SCCPDH: variants seen among roughly 807,000 people sequenced by gnomAD.
The protein encoded by SCCPDH is saccharopine dehydrogenase-like oxidoreductase.
In SCCPDH, 34 loss-of-function variants were observed where a neutral mutation model predicts 51.5. That is an observed-to-expected ratio of 0.66 (90% CI 0.50 to 0.88). SCCPDH has a LOEUF of 0.88. SCCPDH is among the 40% of genes least tolerant of loss of function. The pLI is 0.00. For missense variants in SCCPDH, 464 were observed against 527.1 expected (o/e 0.88, Z 1.17); for synonymous variants, 187 against 191.3 (o/e 0.98, Z 0.19).
chr1:246,751,630 T>C (rs1248799830), intron 5 of SCCPDH, among the ~76,000 whole-genome samples: 2 of 152,218 alleles, frequency 1.3e-5, no homozygotes, highest in Non-Finnish European at 2.9e-5. Flanking sequence ...AAATTCCCTT[T>C]TATAACATTT....
intron 1 of SCCPDH, among the ~76,000 whole-genome samples, 169 bp downstream of exon 1, chr1:246,724,781 C>G (rs1218959807): frequency 2.6e-5 from 4 of 152,164 alleles, no homozygotes; most frequent in African/African-American, 4.8e-5. Flanking sequence ...TAGCTTTGTC[C>G]CACCTCCTTA....
intron 5 of SCCPDH, among the ~76,000 whole-genome samples, chr1:246,756,496 A>G (rs1489455260): frequency 6.6e-6 from 1 of 152,226 alleles, no homozygotes; most frequent in African/African-American, 2.4e-5. Context: ...TGAAACGCAA[A>G]TAGTTTTTTA....
chr1:246,727,277 C>CTATACCGAAGGGG lies in SCCPDH; in HGVS notation c.303+277_303+278insCCGAAGGGGTATA, dbSNP rs1668414970. Among the ~76,000 whole-genome samples, 6 of 152,296 alleles carry CTATACCGAAGGGG rather than the reference C, an allele frequency of 3.9e-5. No individual in the cohort carries two copies. The South Asian group carries it at 1.2e-3, about 32-fold the overall frequency. On this transcript the variant is annotated intron_variant, in intron 2 of 11. Transcript: ENST00000366510. ...TTGTCAGAATTTTCTTTCCTTTTTA[C>CTATACCGAAGGGG]TATATACCCCTTCGGTAAAAAATGT...
rs191171623 is a variant in SCCPDH at position 246,753,009 on chromosome 1, C to T, written c.565-5217C>T. ...TCTCCGCCTCTCTGTCTCTTTCTCT[C>T]TCTTTGCCTCTCTGTCTCTTTCTCT... On this transcript the variant is annotated intron_variant, in intron 5 of 11. Coordinates refer to ENST00000366510, the MANE Select transcript of SCCPDH (RefSeq NM_016002.3). Among the ~76,000 whole-genome samples the T allele has an allele frequency of 1.2e-3, 184 of 152,042 alleles. 3 individuals are homozygous for T. The highest frequency in any genetic ancestry group is 0.011 in the Admixed American group (168 of 15,262).
At chr1:246,762,614 G>GGT (rs1266072700) in intron 9 of SCCPDH, among the ~76,000 whole-genome samples, 1 of 152,106 alleles carries the variant, frequency 6.6e-6, no homozygotes, top group Non-Finnish European at 1.5e-5. Flanking sequence ...GGCTGAGGGA[G>GGT]GTGGATCACT....
chr1:246,739,811 G>A (rs1026606716), intron 3 of SCCPDH, among the ~76,000 whole-genome samples: 22 of 152,136 alleles, frequency 1.4e-4, no homozygotes, highest in Non-Finnish European at 2.6e-4. Flanking sequence ...GTACGTGTGC[G>A]GAGCTTTATG....
intron 3 of SCCPDH, among the ~76,000 whole-genome samples, chr1:246,737,491 AAAAC>A (rs888220512): frequency 5.1e-4 from 78 of 152,274 alleles, no homozygotes; most frequent in African/African-American, 1.9e-3. Flanking sequence ...CCAAAAAACA[AAAAC>A]AAAAAACAAT....
At chr1:246,738,202 A>G (rs574362679) in intron 3 of SCCPDH, among the ~76,000 whole-genome samples, 18 of 151,856 alleles carry the variant, frequency 1.2e-4, no homozygotes, top group Middle Eastern at 3.4e-3. Flanking sequence ...TCTCAAAACA[A>G]CAACAACAAA....
At position 246,724,431 on chromosome 1, in the gene SCCPDH, C is replaced by G. The variant is rs1394002742; in HGVS notation, c.9C>G (p.Thr3=). The change falls in exon 1 of 12, where the codon ACC becomes ACG. Residue 3 remains threonine, a synonymous_variant. Transcript: ENST00000366510. The part of the protein sequence containing the change: MA[T]EQRPFHLVVF... ...CTCGCTGTGGACTCGTCATGGCGAC[C>G]GAGCAGAGGCCTTTCCACCTGGTGG... 6 of 1,574,436 alleles carry G rather than the reference C, an allele frequency of 3.8e-6. No individual in the cohort carries two copies. Among genetic ancestry groups the G allele is most frequent in the Non-Finnish European group, 5.2e-6 (6 of 1,163,854 alleles).
chr1:246,745,392 A>G (rs1033899466), intron 5 of SCCPDH, among the ~76,000 whole-genome samples: 2 of 152,250 alleles, frequency 1.3e-5, no homozygotes, highest in African/African-American at 4.8e-5. Flanking sequence ...AGAAAATGAC[A>G]TGTAAATGAA....
chr1:246,724,462 G>A lies in SCCPDH; in HGVS notation c.40G>A (p.Gly14Ser). Residue 14 changes from glycine (G) to serine (S), a missense_variant, in exon 1 of 12, where the codon GGC becomes AGC. By Grantham distance (56) the Gly-to-Ser change is moderately conservative (BLOSUM62 0). Coordinates refer to ENST00000366510, the MANE Select transcript of SCCPDH (RefSeq NM_016002.3). ...EQRPFHLVVF[G>S]ASGFTGQFVT... ...GAGGCCTTTCCACCTGGTGGTGTTC[G>A]GCGCGTCTGGCTTCACCGGCCAGTT... The A allele has an allele frequency of 2.5e-6, 4 of 1,590,386 alleles. No homozygotes were observed. Among genetic ancestry groups the A allele is most frequent in the Non-Finnish European group, 3.4e-6 (4 of 1,171,142 alleles).
chr1:246,742,961 A>G (rs1207825226), intron 4 of SCCPDH, among the ~76,000 whole-genome samples: 1 of 151,594 alleles, frequency 6.6e-6, no homozygotes, highest in Non-Finnish European at 1.5e-5. Context: ...TTTTTATTTC[A>G]TTTTAGTAGT....
chr1:246,764,137 GT>G, intron 9 of SCCPDH, 108 bp from the exon 10 acceptor site: 1 of 635,484 alleles, frequency 1.6e-6, no homozygotes, highest in Non-Finnish European at 2.8e-6. Context: ...ATAAAATAAT[GT>G]TTTCATCTAT....
intron 5 of SCCPDH, among the ~76,000 whole-genome samples, chr1:246,748,150 G>T (rs1395754541): frequency 6.6e-6 from 1 of 152,110 alleles, no homozygotes; most frequent in East Asian, 1.9e-4. Flanking sequence ...ATAGGGTGGA[G>T]GAGAGCTAAG....
chr1:246,757,373 C>G (rs533866286), intron 5 of SCCPDH, among the ~76,000 whole-genome samples: 1 of 146,374 alleles, frequency 6.8e-6, no homozygotes, highest in Non-Finnish European at 1.5e-5. Context: ...AAAGGGCCAG[C>G]GCTGTGATAG....
At chr1:246,765,677 C>T (rs1669077558) in intron 10 of SCCPDH, among the ~76,000 whole-genome samples, 1 of 152,058 alleles carries the variant, frequency 6.6e-6, no homozygotes, top group African/African-American at 2.4e-5. Flanking sequence ...TCATTGGCTT[C>T]AATGATTGTC....
At position 246,764,346 on chromosome 1, in the gene SCCPDH, T is replaced by A. The variant is rs1669059656; in HGVS notation, c.1091T>A (p.Val364Glu). The change falls in exon 10 of 12, where the codon GTG becomes GAG. Residue 364 changes from valine to glutamate, a missense_variant. Transcript: ENST00000366510. ...NKPNIKICTQ[V>E]KGPEAGYVAT... is the part of the protein sequence containing the mutation. ...CCAAATATCAAAATTTGTACTCAGG[T>A]GAAAGGACCAGGTATTTCACATATC... is the stretch of plus-strand genomic sequence containing the variant. The A allele has an allele frequency of 6.2e-7, 1 of 1,601,654 alleles. No individual in the cohort carries two copies. The highest frequency in any genetic ancestry group is 1.3e-5 in the African/African-American group (1 of 74,634).
chr1:246,761,683 C>T (rs555879094), intron 9 of SCCPDH, among the ~76,000 whole-genome samples: 25 of 152,314 alleles, frequency 1.6e-4, no homozygotes, highest in East Asian at 5.8e-4. Context: ...TTTCACCTAG[C>T]GTAAGGTCTT....
At chr1:246,731,210 A>G (rs2102980396) in intron 2 of SCCPDH, among the ~76,000 whole-genome samples, 1 of 152,336 alleles carries the variant, frequency 6.6e-6, no homozygotes, top group African/African-American at 2.4e-5. Flanking sequence ...CAGGGTACTA[A>G]GTGGAGAAAA....
Sources: allele counts gnomAD v4.1 joint callset (sites outside exome capture counted in the v4.1 genomes callset), GRCh38; gene constraint gnomAD v4.1.1; transcripts MANE v1.5; gene names NCBI Gene and HGNC (gene_info 2026-07-23, HGNC 2026-07-21).